The following NUMB variants were observed in gnomAD, a reference collection of about 807,000 sequenced individuals.
NUMB encodes NUMB endocytic adaptor protein, also known as protein numb homolog.
In NUMB, 29 loss-of-function variants were observed where a neutral mutation model predicts 59.7. That is an observed-to-expected ratio of 0.49 (90% confidence interval 0.36 to 0.66). NUMB has a LOEUF of 0.66. NUMB is among the 30% of genes least tolerant of loss of function. The pLI is 0.00. For missense variants in NUMB, 723 were observed against 822.0 expected (o/e 0.88, Z 1.47); for synonymous variants, 288 against 288.2 (o/e 1.00, Z 0.01).
intron 1 of NUMB, among the ~76,000 whole-genome samples, chr14:73,415,744 G>A (rs916062005): frequency 6.7e-6 from 1 of 149,562 alleles, no homozygotes; most frequent in Admixed American, 6.6e-5. Flanking sequence ...TGGGATTACA[G>A]GTGTGAGCCA....
rs558884135 is a variant in NUMB at position 73,305,902 on chromosome 14, TAAAC to T, written c.235-8621_235-8618del. ...AACCATGATACAGTGTGCCTTGTAA[TAAAC>T]AAACGAGACTTTTTTCAGAGGAAAC... On this transcript the variant is annotated intron_variant, in intron 6 of 12. Coordinates refer to ENST00000555238, the MANE Select transcript of NUMB (RefSeq NM_001005743.2). Among the ~76,000 whole-genome samples, 64 of 152,308 alleles carry T rather than the reference TAAAC, an allele frequency of 4.2e-4. 1 individual carries two copies. The Middle Eastern group carries it at 0.02, about 49-fold the overall frequency.
At chr14:73,338,014 G>A (rs1008757570) in intron 4 of NUMB, among the ~76,000 whole-genome samples, 2 of 152,172 alleles carry the variant, frequency 1.3e-5, no homozygotes, top group African/African-American at 4.8e-5. Context: ...TTCAGGTGCA[G>A]TGGCTCACAC....
chr14:73,278,405 A>C (rs1219912813), intron 12 of NUMB, among the ~76,000 whole-genome samples: 1 of 151,892 alleles, frequency 6.6e-6, no homozygotes, highest in Non-Finnish European at 1.5e-5. Flanking sequence ...CTGTAGTCCC[A>C]GCTACTCGGG....
intron 2 of NUMB, among the ~76,000 whole-genome samples, chr14:73,400,724 G>A (rs1161033734): frequency 6.6e-6 from 1 of 152,186 alleles, no homozygotes; most frequent in Non-Finnish European, 1.5e-5. Flanking sequence ...AATCAATCAT[G>A]CCTATGTAAT....
At chr14:73,423,701 T>C (rs1241431167) in intron 1 of NUMB, among the ~76,000 whole-genome samples, 1 of 151,656 alleles carries the variant, frequency 6.6e-6, no homozygotes, top group East Asian at 1.9e-4. Context: ...TCCAAGCTAC[T>C]TGGGAGGCTA....
At chr14:73,350,238 A>G (rs1474861227) in intron 4 of NUMB, among the ~76,000 whole-genome samples, 1 of 139,882 alleles carries the variant, frequency 7.1e-6, no homozygotes, top group African/African-American at 2.7e-5. Flanking sequence ...CAGTGGCGTG[A>G]TCTCAGCTCA....
At chr14:73,436,419 G>A (rs1215779394) in intron 1 of NUMB, among the ~76,000 whole-genome samples, 2 of 151,942 alleles carry the variant, frequency 1.3e-5, no homozygotes, top group Non-Finnish European at 2.9e-5. Context: ...TGGGTTCAAG[G>A]GATTCTCCTG....
chr14:73,351,497 AAATT>A (rs1893258958), intron 4 of NUMB, among the ~76,000 whole-genome samples: 2 of 152,052 alleles, frequency 1.3e-5, no homozygotes, highest in Non-Finnish European at 1.5e-5. Flanking sequence ...ATAAATAAAT[AAATT>A]AATTAATTAA....
chr14:73,365,426 G>A (rs775752012), intron 3 of NUMB, among the ~76,000 whole-genome samples: 1 of 152,026 alleles, frequency 6.6e-6, no homozygotes, highest in Non-Finnish European at 1.5e-5. Flanking sequence ...GATATTCTAC[G>A]ATCAAGGACA....
At chr14:73,285,747 G>A (rs906312068) in intron 9 of NUMB, among the ~76,000 whole-genome samples, 2 of 151,896 alleles carry the variant, frequency 1.3e-5, no homozygotes, top group Admixed American at 6.6e-5. Flanking sequence ...CCAACATGGC[G>A]AAAGTCCATC....
At chr14:73,365,268 T>C (rs1199850617) in intron 3 of NUMB, among the ~76,000 whole-genome samples, 1 of 152,174 alleles carries the variant, frequency 6.6e-6, no homozygotes, top group East Asian at 1.9e-4. Context: ...CTTGAACTCC[T>C]GGCCTCAAGT....
intron 6 of NUMB, among the ~76,000 whole-genome samples, chr14:73,310,471 A>G (rs1035901714): frequency 7.9e-5 from 12 of 152,182 alleles, no homozygotes; most frequent in African/African-American, 2.4e-4. Flanking sequence ...TCTGCATTAG[A>G]CACTTCTCCA....
chr14:73,387,048 T>G (rs1238757467), intron 2 of NUMB, among the ~76,000 whole-genome samples: 1 of 150,476 alleles, frequency 6.6e-6, no homozygotes, highest in African/African-American at 2.4e-5. Context: ...GCCCGGCTAA[T>G]TTTTTTTGTA....
At chr14:73,367,348 T>TATATATATATATATAGAG (rs1555375287) in intron 2 of NUMB, among the ~76,000 whole-genome samples, 1 of 105,326 alleles carries the variant, frequency 9.5e-6, no homozygotes, top group African/African-American at 5.0e-5. Context: ...TATATATATA[T>TATATATATATATATAGAG]AGAGAGAGAG....
intron 2 of NUMB, among the ~76,000 whole-genome samples, chr14:73,373,116 T>TA (rs894808349): frequency 1.6e-4 from 24 of 152,176 alleles, no homozygotes; most frequent in African/African-American, 5.8e-4. Flanking sequence ...ATATTTCCCA[T>TA]AAAAAATGAA....
intron 8 of NUMB, among the ~76,000 whole-genome samples, chr14:73,288,048 C>T (rs1173756890): frequency 1.3e-5 from 2 of 152,158 alleles, no homozygotes; most frequent in African/African-American, 4.8e-5. Context: ...GAGCTTAATG[C>T]ACTGTTAATA....
chr14:73,453,521 C>G (rs1204555633), intron 1 of NUMB, among the ~76,000 whole-genome samples: 1 of 152,106 alleles, frequency 6.6e-6, no homozygotes, highest in East Asian at 1.9e-4. Flanking sequence ...CTGTGTGTTG[C>G]AGCTGAACAT....
At chr14:73,431,113 C>T (rs1262542741) in intron 1 of NUMB, among the ~76,000 whole-genome samples, 1 of 151,790 alleles carries the variant, frequency 6.6e-6, no homozygotes, top group East Asian at 2.0e-4. Flanking sequence ...TGCACCACCA[C>T]ATCCAGCTAA....
intron 2 of NUMB, among the ~76,000 whole-genome samples, chr14:73,369,443 A>G (rs1159312419): frequency 6.6e-6 from 1 of 152,252 alleles, no homozygotes; most frequent in African/African-American, 2.4e-5. Context: ...AAATTTGGCA[A>G]ATTAAAAAAG....
Sources: allele counts gnomAD v4.1 joint callset (sites outside exome capture counted in the v4.1 genomes callset), GRCh38; gene constraint gnomAD v4.1.1; transcripts MANE v1.5; gene names NCBI Gene and HGNC (gene_info 2026-07-23, HGNC 2026-07-21).